Variants in NTM observed in about 807,000 individuals in gnomAD.
The protein encoded by NTM is IgLON family member 2.
Under a neutral mutation model 42.1 loss-of-function variants are expected in NTM, and 13 were observed. The observed-to-expected ratio is 0.31, with a 90% CI of 0.20 to 0.49. NTM has a LOEUF of 0.49. NTM is among the 20% of genes least tolerant of loss of function. The pLI, the probability that NTM is intolerant of heterozygous loss-of-function variation, is 0.99. For synonymous variants in NTM, 187 were observed against 179.2 expected, an observed-to-expected ratio of 1.04 and a Z score of -0.35; for missense variants, 373 against 452.8, an observed-to-expected ratio of 0.82 and a Z score of 1.60.
intron 1 of NTM, among the ~76,000 whole-genome samples, chr11:131,832,341 G>C (rs1437526645): frequency 6.6e-6 from 1 of 151,978 alleles, no homozygotes; most frequent in Non-Finnish European, 1.5e-5. Flanking sequence ...TGTGATGTTT[G>C]GCAAAGCAAT....
intron 2 of NTM, among the ~76,000 whole-genome samples, chr11:132,048,818 C>CTTTTTTTTTTTT (rs10563617): frequency 3.0e-5 from 4 of 132,994 alleles, no homozygotes; most frequent in Admixed American, 7.6e-5. Flanking sequence ...TTTCTTTTTT[C>CTTTTTTTTTTTT]TTTTTTTTTT....
intron 2 of NTM, among the ~76,000 whole-genome samples, chr11:131,983,748 T>A (rs2065638088): frequency 6.6e-6 from 1 of 151,162 alleles, no homozygotes; most frequent in African/African-American, 2.4e-5. Context: ...ACTTGCTCAC[T>A]CAACAATCTA....
chr11:131,666,224 C>G (rs903719218), intron 1 of NTM, among the ~76,000 whole-genome samples: 1 of 152,198 alleles, frequency 6.6e-6, no homozygotes, highest in Non-Finnish European at 1.5e-5. Context: ...CTGCCTATCA[C>G]TCCTTTGCTC....
At chr11:131,945,885 C>G (rs1010602627) in intron 2 of NTM, among the ~76,000 whole-genome samples, 1 of 152,174 alleles carries the variant, frequency 6.6e-6, no homozygotes, top group Admixed American at 6.5e-5. Context: ...CTCTTCCTGC[C>G]AGCGATAAGC....
intron 1 of NTM, among the ~76,000 whole-genome samples, chr11:131,395,354 A>G (rs1469053098): frequency 1.3e-5 from 2 of 152,296 alleles, no homozygotes; most frequent in South Asian, 2.1e-4. Context: ...CATTTAGAAA[A>G]TGTGATTGAC....
intron 1 of NTM, among the ~76,000 whole-genome samples, chr11:131,602,151 G>A (rs1308665016): frequency 6.6e-6 from 1 of 152,228 alleles, no homozygotes; most frequent in Admixed American, 6.5e-5. Flanking sequence ...GGCTGTACCA[G>A]GATGGTGCCT....
chr11:132,008,296 C>T (rs2071286061), intron 2 of NTM, among the ~76,000 whole-genome samples: 1 of 152,174 alleles, frequency 6.6e-6, no homozygotes, highest in Non-Finnish European at 1.5e-5. Flanking sequence ...TTTAATCTTT[C>T]TGAGTCTTGG....
chr11:131,862,296 A>G (rs1232514491), intron 1 of NTM, among the ~76,000 whole-genome samples: 2 of 152,202 alleles, frequency 1.3e-5, no homozygotes, highest in African/African-American at 2.4e-5. Flanking sequence ...GACTTAAAGA[A>G]GTAATTTTAA....
chr11:131,473,862 G>T (rs1455479503), intron 1 of NTM, among the ~76,000 whole-genome samples: 1 of 152,044 alleles, frequency 6.6e-6, no homozygotes, highest in Non-Finnish European at 1.5e-5. Context: ...TCCATCTCTG[G>T]CGTCTTCAAT....
At chr11:132,036,452 C>G (rs2076520817) in intron 2 of NTM, among the ~76,000 whole-genome samples, 1 of 152,084 alleles carries the variant, frequency 6.6e-6, no homozygotes, top group South Asian at 2.1e-4. Flanking sequence ...ATTTGAAGCT[C>G]ATGTTAATGC....
intron 1 of NTM, among the ~76,000 whole-genome samples, chr11:131,423,316 G>A (rs980062895): frequency 1.3e-5 from 2 of 152,166 alleles, no homozygotes; most frequent in East Asian, 1.9e-4. Context: ...GTGTCTGATA[G>A]GGGATTTAAA....
intron 2 of NTM, among the ~76,000 whole-genome samples, chr11:132,036,119 G>A (rs142891037): frequency 6.6e-6 from 1 of 152,118 alleles, no homozygotes; most frequent in African/African-American, 2.4e-5. Flanking sequence ...TCTGTTTCTT[G>A]TCTTATGCTA....
At chr11:132,300,767 C>T (rs1387538799) in intron 4 of NTM, among the ~76,000 whole-genome samples, 1 of 152,202 alleles carries the variant, frequency 6.6e-6, no homozygotes, top group East Asian at 1.9e-4. Flanking sequence ...CTGCCTGGGA[C>T]CCTCCGTTTA....
chr11:132,284,012 T>C (rs920730760), intron 4 of NTM, among the ~76,000 whole-genome samples: 17 of 152,174 alleles, frequency 1.1e-4, no homozygotes, highest in African/African-American at 4.1e-4. Flanking sequence ...TCTGAGGCAA[T>C]GCCCAGTGCT....
intron 2 of NTM, among the ~76,000 whole-genome samples, chr11:132,066,466 G>C (rs2056508098): frequency 6.6e-6 from 1 of 152,162 alleles, no homozygotes. Context: ...AGTTTCCCAT[G>C]CTTGCTGTAA....
intron 2 of NTM, among the ~76,000 whole-genome samples, chr11:132,013,068 T>C (rs1052505426): frequency 4.6e-5 from 7 of 152,036 alleles, no homozygotes; most frequent in Non-Finnish European, 1.0e-4. Flanking sequence ...GAAGTGAGGG[T>C]TACTTGAAGA....
chr11:131,678,454 G>A (rs542653132), intron 1 of NTM, among the ~76,000 whole-genome samples: 1 of 152,238 alleles, frequency 6.6e-6, no homozygotes, highest in African/African-American at 2.4e-5. Context: ...CCAAGGGCAA[G>A]GTCTTCTGAG....
intron 1 of NTM, among the ~76,000 whole-genome samples, chr11:131,735,107 C>G (rs2080240801): frequency 2.0e-5 from 3 of 152,178 alleles, no homozygotes; most frequent in African/African-American, 7.2e-5. Flanking sequence ...ACTTATTTAG[C>G]TGATCCTGCC....
intron 1 of NTM, among the ~76,000 whole-genome samples, chr11:131,707,285 A>G (rs1387194220): frequency 6.6e-6 from 1 of 152,086 alleles, no homozygotes; most frequent in African/African-American, 2.4e-5. Context: ...AACTTAGCAT[A>G]ATGTCCTTCA....
Sources: gnomAD v4.1 joint callset for allele counts (sites outside exome capture counted in the v4.1 genomes callset) on GRCh38, gnomAD v4.1.1 for gene constraint, MANE v1.5 for transcripts, NCBI Gene and HGNC (gene_info 2026-07-23, HGNC 2026-07-21) for gene names.